Variants in GPR179 observed in about 807,000 individuals in gnomAD.
The protein encoded by GPR179 is probable G protein-coupled receptor 179.
In GPR179, 52 loss-of-function variants were observed where a neutral mutation model predicts 70.8. The observed-to-expected ratio is 0.73, with a 90% confidence interval of 0.59 to 0.93. GPR179 has a LOEUF of 0.93. Among genes scored for constraint, GPR179 ranks in the 40% least tolerant of loss-of-function variants. The pLI, the probability that GPR179 is intolerant of heterozygous loss-of-function variation, is 0.00. For synonymous variants in GPR179, 1,123 were observed against 1,169.0 expected, an observed-to-expected ratio of 0.96 and a Z score of 0.80; for missense variants, 2,734 against 2,966.8, an observed-to-expected ratio of 0.92 and a Z score of 1.82.
Position 38,343,470 on chromosome 17 carries a change from T to C in GPR179, c.320A>G (p.Asn107Ser), listed in dbSNP as rs886043746. 3.7e-6 allele frequency: 6 copies of C among 1,613,852 alleles called. No individual in the cohort carries two copies. The highest frequency in any genetic ancestry group is 1.1e-5 in the South Asian group (1 of 91,090). Residue 107 changes from asparagine (N) to serine (S), a missense_variant, in exon 1 of 11, where the codon AAT becomes AGT. Transcript: ENST00000616987. The surrounding 1 kb of genome is among the most constrained non-coding windows in gnomAD (Gnocchi z 4.2). The stretch of plus-strand genomic sequence containing the variant: ...GGCTTGCAGCAGCATGTTGAGAAAA[T>C]TGGCGGCCTGGGCAAGGGTGCCCGC... Reference protein sequence around the residue: ...GAAGTLAQAANFLNMLLQAND... With the variant: ...GAAGTLAQAASFLNMLLQAND...
At chr17:38,335,833 A>G (rs1171174488) in intron 5 of GPR179, 133 bp from the exon 6 acceptor site, 1 of 686,450 alleles carries the variant, frequency 1.5e-6, no homozygotes, top group Non-Finnish European at 2.6e-6. Context: ...GCAGAGGAGC[A>G]GCTGAAGTGT....
Position 38,329,498 on chromosome 17 carries a change from C to T in GPR179, c.4071G>A (p.Lys1357=), listed in dbSNP as rs1168693630. The T allele has an allele frequency of 5.6e-6, 9 of 1,613,908 alleles. No individual in the cohort carries two copies. Among genetic ancestry groups the T allele is most frequent in the East Asian group, 2.2e-5 (1 of 44,876 alleles). Residue 1357 remains lysine, a synonymous_variant, in exon 11 of 11, where the codon AAG becomes AAA. Transcript: ENST00000616987. ...SEAGDSVEAR[K]VEKPGWEAAG... ...CAGCTTCCCACCCAGGCTTCTCCAC[C>T]TTCCTGGCCTCCACACTGTCCCCCG...
At position 38,326,458 on chromosome 17, in the gene GPR179, A is replaced by T; in HGVS notation, c.*7T>A. 1 of 1,588,144 alleles carries T rather than the reference A, an allele frequency of 6.3e-7. No individual in the cohort carries two copies. Among genetic ancestry groups the T allele is most frequent in the African/African-American group, 1.3e-5 (1 of 74,168 alleles). ...AGCTCTGTGTTTGACCTCACCTAAT[A>T]AGGCTGTTACTCCCAATCCCAAGGA... On this transcript the variant is annotated 3_prime_UTR_variant, in exon 11 of 11. Coordinates refer to ENST00000616987, the MANE Select transcript of GPR179 (RefSeq NM_001004334.4).
intron 10 of GPR179, 38 bp from the exon 11 acceptor site, chr17:38,331,569 A>G (rs2037360988): frequency 6.4e-7 from 1 of 1,562,476 alleles, no homozygotes; most frequent in Admixed American, 1.8e-5. Flanking sequence ...GCTGCAGGTG[A>G]GCTCTCTCCA....
At chr17:38,337,879 C>T (rs1327246504) in intron 2 of GPR179, among the ~76,000 whole-genome samples, 159 bp from the exon 3 acceptor site, 1 of 152,224 alleles carries the variant, frequency 6.6e-6, no homozygotes, top group Non-Finnish European at 1.5e-5. Context: ...CTTGGGAAGC[C>T]TTCCCTCTGT....
Position 38,328,855 on chromosome 17 carries a change from C to T in GPR179, c.4714G>A (p.Val1572Met). Residue 1572 changes from valine to methionine, a missense_variant, in exon 11 of 11, where the codon GTG becomes ATG. Physicochemically the swap from Val to Met is conservative, Grantham distance 21. Transcript: ENST00000616987. ...LCNGGSRATQ[V>M]CPQEDLRPEA... ...GGCCTGAGATCTTCCTGTGGACACA[C>T]CTGCGTTGCTCTGCTTCCTCCATTG... The T allele has an allele frequency of 5.6e-6, 9 of 1,613,798 alleles. No homozygotes were observed. Among genetic ancestry groups the T allele is most frequent in the African/African-American group, 1.3e-5 (1 of 74,886 alleles).
rs141320532 is a variant in GPR179, at chr17:38,339,440, G to A, written c.880C>T (p.Leu294=). 1.6e-3 allele frequency: 2,503 copies of A among 1,611,948 alleles called. 41 individuals are homozygous for A. In the African/African-American group the frequency reaches 0.03, roughly 19 times the overall value. ...SGPGWYSNTH[L]CDLNSTQCVP... ...ACCTGGGTGCTGTTGAGATCACACA[G>A]GTGTGTGTTAGAGTACCAGCCTGGG... is the stretch of plus-strand genomic sequence containing the variant. Residue 294 remains leucine (L), a synonymous_variant, in exon 2 of 11, where the codon CTG becomes TTG. Coordinates refer to ENST00000616987, the MANE Select transcript of GPR179 (RefSeq NM_001004334.4).
intron 2 of GPR179, among the ~76,000 whole-genome samples, chr17:38,337,995 C>T (rs1329690375): frequency 1.3e-5 from 2 of 152,224 alleles, no homozygotes; most frequent in East Asian, 1.9e-4. Flanking sequence ...TGACAGGAGC[C>T]TCATAGGACC....
intron 1 of GPR179, 114 bp downstream of exon 1, chr17:38,342,882 G>A: frequency 3.0e-6 from 3 of 996,422 alleles, no homozygotes; most frequent in Non-Finnish European, 4.5e-6. Context: ...ACATCTGTGT[G>A]CCCCCCAGGC....
In GPR179 at chr17:38,327,095, C is replaced by T; in HGVS notation, c.6474G>A (p.Gln2158=). 1.2e-6 allele frequency: 2 copies of T among 1,614,254 alleles called. No homozygotes were observed. The highest frequency in any genetic ancestry group is 1.7e-6 in the Non-Finnish European group (2 of 1,180,052). Residue 2158 remains glutamine, a synonymous_variant, in exon 11 of 11, where the codon CAG becomes CAA. Coordinates refer to ENST00000616987, the MANE Select transcript of GPR179 (RefSeq NM_001004334.4). The part of the protein sequence containing the change: ...ESQGQGEMFL[Q]KAGPGGTEEH... The stretch of plus-strand genomic sequence containing the variant: ...CTTCCGTCCCTCCAGGTCCTGCCTT[C>T]TGAAGGAACATCTCTCCTTGCCCTT...
At chr17:38,336,882 A>G in intron 4 of GPR179, 96 bp downstream of exon 4, 1 of 1,279,154 alleles carries the variant, frequency 7.8e-7, no homozygotes, top group Non-Finnish European at 1.1e-6. Context: ...AATCAAGATT[A>G]GAACCAATTT....
At chr17:38,341,978 A>G (rs942096243) in intron 1 of GPR179, among the ~76,000 whole-genome samples, 1 of 152,094 alleles carries the variant, frequency 6.6e-6, no homozygotes, top group African/African-American at 2.4e-5. Context: ...GTAGCCAGGT[A>G]TGATGATGCG....
Position 38,343,042 on chromosome 17 carries a change from A to C in GPR179, c.748T>G (p.Ser250Ala), listed in dbSNP as rs1202041390. ...GGCTTGAGTCCATAGAAGGTGGCAG[A>C]GAGTGTGATCAGCCATCCAGGTCGG... ...RLRPGWLITL[S>A]ATFYGLKPDL... is the part of the protein sequence containing the mutation. Residue 250 changes from serine to alanine, a missense_variant, in exon 1 of 11, where the codon TCT becomes GCT. Physicochemically the swap from Ser to Ala is moderately conservative, Grantham distance 99. Transcript: ENST00000616987. The surrounding 1 kb of genome is among the most constrained non-coding windows in gnomAD (Gnocchi z 4.2). 5.0e-6 allele frequency: 8 copies of C among 1,613,478 alleles called. No homozygotes were observed. The highest frequency in any genetic ancestry group is 6.8e-6 in the Non-Finnish European group (8 of 1,179,686).
rs2037385754 is a variant in GPR179 at position 38,334,489 on chromosome 17, C to T, written c.1784+215G>A. On this transcript the variant is annotated intron_variant, in intron 8 of 10. Coordinates refer to ENST00000616987, the MANE Select transcript of GPR179 (RefSeq NM_001004334.4). This position sits in a 1 kb window ranked among gnomAD's most constrained non-coding sequence, Gnocchi z 4.7. ...AGTTAGGAGGAAGGTCCTCTTCCTC[C>T]TCTTCTGTGTTGGGGGCCTCCTCAC... Among the ~76,000 whole-genome samples, 1 of 151,882 alleles carries T rather than the reference C, an allele frequency of 6.6e-6. No individual in the cohort carries two copies. Among genetic ancestry groups the T allele is most frequent in the African/African-American group, 2.4e-5 (1 of 41,322 alleles).
At position 38,335,603 on chromosome 17, in the gene GPR179, A is replaced by G. The variant is rs747010987; in HGVS notation, c.1394T>C (p.Leu465Pro). Residue 465 changes from leucine to proline, a missense_variant, in exon 6 of 11, where the codon CTC becomes CCC. By Grantham distance (98) the Leu-to-Pro change is moderately conservative. Coordinates refer to ENST00000616987, the MANE Select transcript of GPR179 (RefSeq NM_001004334.4). ...CCCCAGGCCGTACCTGTAAAGCTTGAGTATGATGGTGCCGTAGACGATGGC... is the reference window on the plus strand; with the variant it reads ...CCCCAGGCCGTACCTGTAAAGCTTGGGTATGATGGTGCCGTAGACGATGGC... ...GFAIVYGTIILKLYRVLQLFL... is the reference protein window; with the variant it reads ...GFAIVYGTIIPKLYRVLQLFL... The G allele has an allele frequency of 6.2e-7, 1 of 1,612,056 alleles. No homozygotes were observed. Among genetic ancestry groups the G allele is most frequent in the South Asian group, 1.1e-5 (1 of 91,050 alleles).
At position 38,325,175 on chromosome 17, in the gene GPR179, TATC is replaced by T. The variant is rs1231888625; in HGVS notation, c.*1287_*1289del. Among the ~76,000 whole-genome samples the T allele has an allele frequency of 2.6e-5, 4 of 152,196 alleles. No homozygotes were observed. The highest frequency in any genetic ancestry group is 9.7e-5 in the African/African-American group (4 of 41,442). Reference sequence around the variant, plus strand: ...CTCCTTCTTCCTTTCCCTCTGGTATTATCATCTAATCCCAGCAATTTGTAATCT... The same window carrying T: ...CTCCTTCTTCCTTTCCCTCTGGTATTATCTAATCCCAGCAATTTGTAATCT... On this transcript the variant is annotated 3_prime_UTR_variant, in exon 11 of 11. Coordinates refer to ENST00000616987, the MANE Select transcript of GPR179 (RefSeq NM_001004334.4).
At position 38,328,810 on chromosome 17, in the gene GPR179, G is replaced by T. The variant is rs753251543; in HGVS notation, c.4759C>A (p.Pro1587Thr). 1.2e-6 allele frequency: 2 copies of T among 1,609,394 alleles called. No individual in the cohort carries two copies. The highest frequency in any genetic ancestry group is 2.7e-5 in the African/African-American group (2 of 73,372). ...CAGGGACAGATTTCTGTTTTGGCAG[G>T]TGTTGCTTCCTGTGCCTCCGGCCTG... Reference protein sequence around the residue: ...DLRPEAQEATPAKTEICPWEV... With the variant: ...DLRPEAQEATTAKTEICPWEV... The change falls in exon 11 of 11, where the codon CCT (proline) becomes ACT (threonine). Residue 1587 changes from proline (P) to threonine (T), a missense_variant. Pro to Thr is a conservative substitution (Grantham distance 38). Transcript: ENST00000616987.
intron 2 of GPR179, 137 bp from the exon 3 acceptor site, chr17:38,337,857 C>A: frequency 1.4e-6 from 1 of 707,726 alleles, no homozygotes; most frequent in Non-Finnish European, 2.4e-6. Context: ...CCTCCAGAAG[C>A]CCTCTCTAGT....
In GPR179 at chr17:38,325,527, T is replaced by G. The variant is rs2037277720; in HGVS notation, c.*938A>C. 1 of 152,160 alleles carries G rather than the reference T, an allele frequency of 6.6e-6. No individual in the cohort carries two copies. The highest frequency in any genetic ancestry group is 2.4e-5 in the African/African-American group (1 of 41,386). The allele number at this position is 152,160 out of a possible 1,614,324, so 9.4% of individuals were successfully genotyped here. On this transcript the variant is annotated 3_prime_UTR_variant, in exon 11 of 11. Transcript: ENST00000616987. ...AGATTCCCCTTGACTCCAGTTGCCT[T>G]GACAAAAGAGAGAGGTCCTGTTGAT... is the stretch of plus-strand genomic sequence containing the variant.
Sources: allele counts gnomAD v4.1 joint callset (sites outside exome capture counted in the v4.1 genomes callset), GRCh38; gene constraint gnomAD v4.1.1; non-coding constraint Gnocchi (gnomAD v3.1); transcripts MANE v1.5; gene names NCBI Gene and HGNC (gene_info 2026-07-23, HGNC 2026-07-21).